Variants in SORBS2 observed in about 807,000 individuals in gnomAD.
SORBS2 encodes the protein sorbin and SH3 domain-containing protein 2.
Under a neutral mutation model 97.7 loss-of-function variants are expected in SORBS2, and 46 were observed. That is an observed-to-expected ratio of 0.47 (90% confidence interval 0.37 to 0.60). SORBS2 has a LOEUF of 0.60. Ranked by LOEUF, SORBS2 falls within the 20% of genes least tolerant of loss-of-function variation. The pLI, the probability that SORBS2 is intolerant of heterozygous loss-of-function variation, is 0.00. For missense variants in SORBS2, 1,316 were observed against 1,282.3 expected, an observed-to-expected ratio of 1.03 and a Z score of -0.40; for synonymous variants, 476 against 473.4, an observed-to-expected ratio of 1.01 and a Z score of -0.07.
intron 1 of SORBS2, among the ~76,000 whole-genome samples, chr4:185,905,322 G>A (rs2099250162): frequency 6.6e-6 from 1 of 152,104 alleles, no homozygotes; most frequent in Non-Finnish European, 1.5e-5. Context: ...ATTTGTGTAT[G>A]TAACAATCAT....
At chr4:185,675,729 T>C (rs978277762) in intron 4 of SORBS2, among the ~76,000 whole-genome samples, 9 of 152,290 alleles carry the variant, frequency 5.9e-5, no homozygotes, top group Admixed American at 1.3e-4. Flanking sequence ...CCTATTAATG[T>C]TATTATTATT....
intron 1 of SORBS2, among the ~76,000 whole-genome samples, chr4:185,845,526 T>C (rs1444537053): frequency 6.6e-6 from 1 of 152,196 alleles, no homozygotes; most frequent in East Asian, 1.9e-4. Context: ...ATGCTTTATA[T>C]TGCACACAAA....
intron 1 of SORBS2, among the ~76,000 whole-genome samples, chr4:185,906,248 G>T (rs112704166): frequency 5.9e-5 from 9 of 152,142 alleles, no homozygotes; most frequent in African/African-American, 2.2e-4. Context: ...GCTCAGGCTG[G>T]TCTCAAACTC....
chr4:185,916,151 T>A (rs1294876585), intron 1 of SORBS2, among the ~76,000 whole-genome samples: 1 of 151,836 alleles, frequency 6.6e-6, no homozygotes, highest in African/African-American at 2.4e-5. Context: ...GCAGTATGAG[T>A]CATGGACCGG....
At chr4:185,589,569 A>G (rs2095871396) in intron 14 of SORBS2, 110 bp downstream of exon 26, 1 of 717,090 alleles carries the variant, frequency 1.4e-6, no homozygotes, top group Non-Finnish European at 2.5e-6. Context: ...GAAAGATCAA[A>G]GGCATTACGA....
intron 13 of SORBS2, 83 bp from the exon 26 acceptor site, chr4:185,589,868 T>C: frequency 1.2e-6 from 1 of 826,696 alleles, no homozygotes; most frequent in Non-Finnish European, 2.1e-6. Context: ...TCATTCTTCC[T>C]TTAACATTCC....
chr4:185,851,370 C>A (rs993073217), intron 1 of SORBS2, among the ~76,000 whole-genome samples: 4 of 152,046 alleles, frequency 2.6e-5, no homozygotes, highest in African/African-American at 4.8e-5. Context: ...TATTCTTTTA[C>A]GTTCCTTTAA....
At position 185,801,822 on chromosome 4, in the gene SORBS2, A is replaced by G. The variant is rs75583008; in HGVS notation, c.-337-26456T>C. Among the ~76,000 whole-genome samples the G allele has an allele frequency of 7.7e-3, 1,171 of 152,282 alleles. 20 individuals are homozygous for G. The highest frequency in any genetic ancestry group is 0.027 in the African/African-American group (1,105 of 41,532). ...TCTCAAAGTTGGCCACTGACTCGTA[A>G]CAGGTAAAACCCAATGAGCACTTCC... is the stretch of plus-strand genomic sequence containing the variant. On this transcript the variant is annotated intron_variant, in intron 1 of 20. Coordinates refer to the SORBS2 transcript ENST00000284776.
At chr4:185,617,373 C>G (rs770937757) in intron 9 of SORBS2, among the ~76,000 whole-genome samples, 13 of 152,036 alleles carry the variant, frequency 8.6e-5, no homozygotes, top group Non-Finnish European at 2.9e-5. Flanking sequence ...ATCTTAATTT[C>G]TAAACAGGAT....
At chr4:185,703,605 T>C (rs1333911182) in intron 2 of SORBS2, among the ~76,000 whole-genome samples, 2 of 152,206 alleles carry the variant, frequency 1.3e-5, no homozygotes, top group Non-Finnish European at 2.9e-5. Flanking sequence ...GGAAGTACAA[T>C]GACAATTTGA....
intron 2 of SORBS2, 53 bp downstream of exon 4, chr4:185,690,509 C>T (rs6823546): frequency 0.18 from 229,861 of 1,272,672 alleles, 22,013 homozygotes; most frequent in Middle Eastern, 0.21. Context: ...TTAGGGCCAA[C>T]ATGATTTTTA....
At chr4:185,665,660 C>T (rs1284754227) in intron 4 of SORBS2, 1 of 739,286 alleles carries the variant, frequency 1.4e-6, no homozygotes, top group Non-Finnish European at 1.7e-6. Context: ...AAATGTCAGC[C>T]GAAAAATGAG....
chr4:185,777,782 T>C (rs1300767542), intron 1 of SORBS2, among the ~76,000 whole-genome samples: 1 of 143,066 alleles, frequency 7.0e-6, no homozygotes, highest in African/African-American at 2.5e-5. Context: ...TTGAGGTCTT[T>C]ATACAAAAAA....
chr4:185,604,400 G>A (rs573393457), intron 12 of SORBS2, among the ~76,000 whole-genome samples: 1 of 152,260 alleles, frequency 6.6e-6, no homozygotes, highest in South Asian at 2.1e-4. Flanking sequence ...AGGAGAGGAG[G>A]TGAGCAGGGC....
At chr4:185,713,107 C>T (rs1021080292) in intron 2 of SORBS2, among the ~76,000 whole-genome samples, 2 of 152,092 alleles carry the variant, frequency 1.3e-5, no homozygotes, top group Admixed American at 6.5e-5. Context: ...CTTTGCTGGC[C>T]GGCAGCATCC....
chr4:185,926,439 T>C (rs568535443), intron 1 of SORBS2, among the ~76,000 whole-genome samples: 5 of 151,518 alleles, frequency 3.3e-5, no homozygotes, highest in South Asian at 2.1e-4. Context: ...TTTTGGTATC[T>C]GGCATGATCA....
At chr4:185,694,577 G>C (rs933176096) in intron 2 of SORBS2, among the ~76,000 whole-genome samples, 5 of 152,168 alleles carry the variant, frequency 3.3e-5, no homozygotes, top group African/African-American at 1.2e-4. Flanking sequence ...AGCCTCCACT[G>C]TCAAAATACA....
intron 1 of SORBS2, among the ~76,000 whole-genome samples, chr4:185,891,138 A>G (rs998474558): frequency 4.1e-5 from 5 of 122,678 alleles, no homozygotes; most frequent in Non-Finnish European, 9.3e-5. Context: ...TTGTTTTTTA[A>G]TTCTGCTTAT....
intron 2 of SORBS2, among the ~76,000 whole-genome samples, chr4:185,693,361 G>A (rs1582879180): frequency 6.6e-6 from 1 of 152,278 alleles, no homozygotes; most frequent in East Asian, 1.9e-4. Context: ...TCAGGGAAGA[G>A]GGCAGCGGCC....
Sources: allele counts gnomAD v4.1 joint callset (sites outside exome capture counted in the v4.1 genomes callset), GRCh38; gene constraint gnomAD v4.1.1; transcripts MANE v1.5; gene names NCBI Gene and HGNC (gene_info 2026-07-23, HGNC 2026-07-21).